PPP3CB: variants seen among roughly 807,000 people sequenced by gnomAD.
The protein encoded by PPP3CB is serine/threonine-protein phosphatase 2B catalytic subunit beta isoform.
In PPP3CB, 8 loss-of-function variants were observed where a neutral mutation model predicts 66.4. The observed-to-expected ratio is 0.12, with a 90% confidence interval of 0.07 to 0.22. The LOEUF (loss-of-function observed/expected upper bound fraction) is 0.22, where lower values mean the gene tolerates loss of function less well. PPP3CB is among the 10% of genes least tolerant of loss of function. PPP3CB has a pLI of 1.00. For missense variants in PPP3CB, 319 were observed against 642.5 expected, an observed-to-expected ratio of 0.50 and a Z score of 5.44; for synonymous variants, 208 against 221.2, an observed-to-expected ratio of 0.94 and a Z score of 0.53.
chr10:73,438,433 C>A lies in PPP3CB; in HGVS notation c.1397-13G>T. On this transcript the variant is annotated splice_polypyrimidine_tract_variant and intron_variant, in intron 13 of 13. Transcript: ENST00000360663. ...AATCCTCGTATTGCTTAATAAAATG[C>A]AAATTTGATAAGTCAGTAATTGAAA... 6.3e-7 allele frequency: 1 copy of A among 1,587,130 alleles called. No homozygotes were observed. The highest frequency in any genetic ancestry group is 2.2e-5 in the East Asian group (1 of 44,630).
chr10:73,486,454 C>T (rs1327444541), intron 1 of PPP3CB, among the ~76,000 whole-genome samples: 1 of 151,870 alleles, frequency 6.6e-6, no homozygotes, highest in African/African-American at 2.4e-5. Flanking sequence ...TACAGGCATG[C>T]ACCACCACGC....
intron 13 of PPP3CB, among the ~76,000 whole-genome samples, chr10:73,439,130 A>G (rs1455921896): frequency 6.6e-6 from 1 of 152,222 alleles, no homozygotes; most frequent in African/African-American, 2.4e-5. Flanking sequence ...CACCAATTGT[A>G]TGGTTTCTCA....
At chr10:73,440,001 A>G in intron 12 of PPP3CB, 100 bp from the exon 13 acceptor site, 15 of 1,185,694 alleles carry the variant, frequency 1.3e-5, no homozygotes, top group Non-Finnish European at 1.9e-5. Context: ...ATATCACAGT[A>G]TCCCATACTA....
Position 73,438,159 on chromosome 10 carries a change from G to C in PPP3CB, c.*83C>G. 1 of 1,343,208 alleles carries C rather than the reference G, an allele frequency of 7.4e-7. No homozygotes were observed. The highest frequency in any genetic ancestry group is 1.0e-6 in the Non-Finnish European group (1 of 976,036). The allele number at this position is 1,343,208 out of a possible 1,614,324, so 83.2% of individuals were successfully genotyped here. A position where few individuals can be genotyped will look rare whatever the true frequency, so the allele number is the denominator to read the frequency against. On this transcript the variant is annotated 3_prime_UTR_variant, in exon 14 of 14. Transcript: ENST00000360663. ...CTTCAGAGAGACTGTGAAATTTACA[G>C]TCAGCTTGGCCGACCCCTCCAGCTC...
intron 2 of PPP3CB, 47 bp downstream of exon 2, chr10:73,479,270 A>C (rs1167518127): frequency 6.5e-7 from 1 of 1,542,902 alleles, no homozygotes; most frequent in South Asian, 1.1e-5. Context: ...CCAGGCAACT[A>C]AATAATGACA....
chr10:73,475,022 T>TA lies in PPP3CB; in HGVS notation c.419dup (p.Leu140PhefsTer22). 1 of 1,609,570 alleles carries TA rather than the reference T, an allele frequency of 6.2e-7. No homozygotes were observed. Among genetic ancestry groups the TA allele is most frequent in the Non-Finnish European group, 8.5e-7 (1 of 1,178,788 alleles). On this transcript the variant is annotated frameshift_variant, in exon 4 of 14. Transcript: ENST00000360663. LOFTEE classifies it high-confidence loss of function. ...ATAGAATCTTCAGAACCCATAAATATAAGACACACTGCAAAAGAAAATTTT... is the reference window on the plus strand; with the variant it reads ...ATAGAATCTTCAGAACCCATAAATATAAAGACACACTGCAAAAGAAAATTTT...
At chr10:73,478,742 G>A in intron 2 of PPP3CB, 119 bp from the exon 3 acceptor site, 1 of 834,844 alleles carries the variant, frequency 1.2e-6, no homozygotes, top group African/African-American at 1.7e-5. Flanking sequence ...TGTCTGAGAA[G>A]GAAGTAGTCT....
At chr10:73,443,250 A>G (rs202199261) in intron 12 of PPP3CB, among the ~76,000 whole-genome samples, 16 of 136,210 alleles carry the variant, frequency 1.2e-4, no homozygotes, top group East Asian at 4.1e-4. Flanking sequence ...GAGAGAGAGA[A>G]AGAGAGAGAG....
intron 1 of PPP3CB, 126 bp from the exon 2 acceptor site, chr10:73,479,643 G>T: frequency 1.1e-6 from 1 of 874,698 alleles, no homozygotes; most frequent in Non-Finnish European, 1.7e-6. Flanking sequence ...TCATTTATTG[G>T]GTAGAAGTGT....
chr10:73,451,742 CT>C (rs765483729), intron 10 of PPP3CB, among the ~76,000 whole-genome samples: 2,749 of 124,612 alleles, frequency 0.022, 60 homozygotes, highest in Admixed American at 0.085. Context: ...TCACTCATCT[CT>C]TTTTTTTTTT....
At chr10:73,447,928 A>G (rs993237954) in intron 10 of PPP3CB, among the ~76,000 whole-genome samples, 2 of 151,856 alleles carry the variant, frequency 1.3e-5, no homozygotes, top group African/African-American at 4.8e-5. Flanking sequence ...CCCAAAAACT[A>G]AAAATATAAG....
intron 9 of PPP3CB, among the ~76,000 whole-genome samples, chr10:73,460,628 A>G (rs146184984): frequency 1.3e-5 from 2 of 152,338 alleles, no homozygotes; most frequent in East Asian, 3.9e-4. Flanking sequence ...AGAAAAAAAT[A>G]TGAAAGGAAC....
At chr10:73,459,477 T>C (rs1267715517) in intron 9 of PPP3CB, among the ~76,000 whole-genome samples, 1 of 152,218 alleles carries the variant, frequency 6.6e-6, no homozygotes, top group Non-Finnish European at 1.5e-5. Flanking sequence ...CAGAGCAAGA[T>C]TCTGTCTCAA....
chr10:73,453,749 G>A (rs888193569), intron 10 of PPP3CB, among the ~76,000 whole-genome samples: 17 of 152,088 alleles, frequency 1.1e-4, no homozygotes, highest in African/African-American at 4.1e-4. Context: ...ACCTTTTTAT[G>A]TACTCAGGTT....
chr10:73,469,410 G>A (rs962530835), intron 8 of PPP3CB, among the ~76,000 whole-genome samples: 3 of 152,046 alleles, frequency 2.0e-5, no homozygotes, highest in Non-Finnish European at 2.9e-5. Flanking sequence ...GCGAGGTGGC[G>A]GGTGCCTATG....
Position 73,446,169 on chromosome 10 carries a change from G to C in PPP3CB, c.1268+323C>G, listed in dbSNP as rs576862032. ...GCCCAGTCTGGAGTGGCGCAGTCTCGGCTCACCGCAACTTCTGCCTCCTGG... is the reference window on the plus strand; with the variant it reads ...GCCCAGTCTGGAGTGGCGCAGTCTCCGCTCACCGCAACTTCTGCCTCCTGG... On this transcript the variant is annotated intron_variant, in intron 11 of 13. Coordinates refer to ENST00000360663, the MANE Select transcript of PPP3CB (RefSeq NM_021132.4). 1.0e-4 allele frequency among the ~76,000 whole-genome samples: 15 copies of C among 149,616 alleles called. No individual in the cohort carries two copies. The South Asian group carries it at 3.0e-3, about 30-fold the overall frequency.
chr10:73,474,837 TAA>T, intron 4 of PPP3CB, 80 bp downstream of exon 4: 1 of 1,542,836 alleles, frequency 6.5e-7, no homozygotes, highest in Non-Finnish European at 8.7e-7. Flanking sequence ...TGTTGCACTG[TAA>T]AGTCTTCAAA....
intron 9 of PPP3CB, among the ~76,000 whole-genome samples, chr10:73,455,719 C>T (rs561512788): frequency 1.4e-4 from 21 of 152,318 alleles, no homozygotes; most frequent in African/African-American, 5.1e-4. Context: ...CAGGTGCCCG[C>T]CACCTCGCCC....
At chr10:73,446,597 G>A in intron 10 of PPP3CB, 24 bp from the exon 11 acceptor site, 3 of 1,599,444 alleles carry the variant, frequency 1.9e-6, no homozygotes. Flanking sequence ...AATAAATAGA[G>A]AGAAAGGCTC....
Sources: allele counts gnomAD v4.1 joint callset (sites outside exome capture counted in the v4.1 genomes callset), GRCh38; gene constraint gnomAD v4.1.1; transcripts MANE v1.5; gene names NCBI Gene and HGNC (gene_info 2026-07-23, HGNC 2026-07-21).